GRIK5: variants seen among roughly 807,000 people sequenced by gnomAD.
GRIK5 encodes the protein glutamate ionotropic receptor kainate type subunit 5, also known as glutamate receptor ionotropic, kainate 5.
Under a neutral mutation model 97.4 loss-of-function variants are expected in GRIK5, and 43 were observed. That is an observed-to-expected ratio of 0.44 (90% CI 0.35 to 0.57). The LOEUF (loss-of-function observed/expected upper bound fraction) is 0.57, where lower values mean the gene tolerates loss of function less well. GRIK5 is among the 20% of genes least tolerant of loss of function. The probability of loss-of-function intolerance (pLI) is 0.01; values close to 1 mark genes in which losing one functional copy is unlikely to be tolerated. For synonymous variants in GRIK5, 580 were observed against 583.5 expected (o/e 0.99, Z 0.09); for missense variants, 1,015 against 1,382.0 (o/e 0.73, Z 4.21).
In GRIK5 at chr19:42,054,440, G is replaced by A. The variant is rs567555464; in HGVS notation, c.936C>T (p.His312=). The change falls in exon 9 of 20, where the codon CAC becomes CAT. Residue 312 remains histidine, a synonymous_variant. Coordinates refer to ENST00000593562, the MANE Select transcript of GRIK5 (RefSeq NM_002088.5). ...GCTCTCGGACAGCGCTCACCACCAC[G>A]TGCACGGCGTCAAACATCAGGGCGG... ...LSAALMFDAV[H]VVVSAVRELN... is the part of the protein sequence containing the mutation. 2.0e-5 allele frequency: 33 copies of A among 1,613,374 alleles called. No individual in the cohort carries two copies. Among genetic ancestry groups the A allele is most frequent in the Admixed American group, 1.0e-4 (6 of 60,018 alleles).
chr19:42,029,076 A>T (rs78619677), intron 12 of GRIK5, among the ~76,000 whole-genome samples: 8 of 150,642 alleles, frequency 5.3e-5, no homozygotes, highest in African/African-American at 7.3e-5. Flanking sequence ...ACAAAAAAAA[A>T]TTTTTTTTTT....
chr19:42,026,058 A>G (rs1437102428), intron 12 of GRIK5, among the ~76,000 whole-genome samples: 1 of 152,230 alleles, frequency 6.6e-6, no homozygotes, highest in East Asian at 1.9e-4. Flanking sequence ...TGGTGCAATC[A>G]TAAGTCACTG....
At chr19:42,049,620 G>T (rs1232721769) in intron 11 of GRIK5, among the ~76,000 whole-genome samples, 1 of 152,152 alleles carries the variant, frequency 6.6e-6, no homozygotes, top group East Asian at 1.9e-4. Flanking sequence ...GCCTTGGAGG[G>T]TTAGTGATTG....
At chr19:42,035,481 CAG>C (rs1228966433) in intron 12 of GRIK5, among the ~76,000 whole-genome samples, 1 of 151,838 alleles carries the variant, frequency 6.6e-6, no homozygotes, top group Non-Finnish European at 1.5e-5. Context: ...CCGAGGTGAG[CAG>C]ATCACCTGAG....
At chr19:42,020,667 C>T (rs544659401) in intron 15 of GRIK5, among the ~76,000 whole-genome samples, 3 of 152,300 alleles carry the variant, frequency 2.0e-5, no homozygotes, top group East Asian at 3.9e-4. Context: ...AAAACTAAGA[C>T]GGCCACAAGA....
At chr19:42,007,283 C>G (rs544017909) in intron 15 of GRIK5, among the ~76,000 whole-genome samples, 1 of 151,938 alleles carries the variant, frequency 6.6e-6, no homozygotes, top group Non-Finnish European at 1.5e-5. Flanking sequence ...TTAGCAGAGA[C>G]GGGGTTTCAC....
intron 15 of GRIK5, among the ~76,000 whole-genome samples, chr19:42,007,120 G>A (rs2075502142): frequency 6.8e-6 from 1 of 147,526 alleles, no homozygotes; most frequent in Non-Finnish European, 1.5e-5. Context: ...TTTTGAGACA[G>A]ATCTTGCTTT....
At chr19:42,037,410 G>C (rs1049704835) in intron 12 of GRIK5, among the ~76,000 whole-genome samples, 1 of 152,208 alleles carries the variant, frequency 6.6e-6, no homozygotes, top group African/African-American at 2.4e-5. Context: ...AGTGAGCCGA[G>C]ATCACGCCAC....
chr19:42,053,493 C>T lies in GRIK5; in HGVS notation c.1269+109G>A. On this transcript the variant is annotated intron_variant, in intron 11 of 19. Transcript: ENST00000593562. The stretch of plus-strand genomic sequence containing the variant: ...TTGCTGCGTGCAGGAATCCCAGCCC[C>T]CACTGGCCTATGCGCTGTGCCAGCC... 1.0e-5 allele frequency: 7 copies of T among 693,212 alleles called. No individual in the cohort carries two copies. In the South Asian group the frequency reaches 1.1e-4, roughly 11 times the overall value. The allele number at this position is 693,212 out of a possible 1,614,324, so 42.9% of individuals were successfully genotyped here.
chr19:42,059,401 G>T lies in GRIK5; in HGVS notation c.635C>A (p.Ser212Tyr). The T allele has an allele frequency of 6.2e-7, 1 of 1,613,854 alleles. No individual in the cohort carries two copies. Among genetic ancestry groups the T allele is most frequent in the Non-Finnish European group, 8.5e-7 (1 of 1,179,810 alleles). Residue 212 changes from serine to tyrosine, a missense_variant, in exon 6 of 20, where the codon TCC becomes TAC. Transcript: ENST00000593562. ...LLKEIRDDKV[S>Y]TIIIDANASI... is the part of the protein sequence containing the mutation. ...GGCGTTGGCGTCGATGATGATGGTGGACACCTTGTCATCACGGATCTCCTT... is the reference window on the plus strand; with the variant it reads ...GGCGTTGGCGTCGATGATGATGGTGTACACCTTGTCATCACGGATCTCCTT...
At chr19:42,045,069 C>T (rs1051717705) in intron 11 of GRIK5, among the ~76,000 whole-genome samples, 1 of 152,208 alleles carries the variant, frequency 6.6e-6, no homozygotes, top group Non-Finnish European at 1.5e-5. Context: ...ATTCCTTTTA[C>T]ACATGTGGAC....
intron 15 of GRIK5, among the ~76,000 whole-genome samples, chr19:42,020,753 A>T: frequency 6.6e-6 from 1 of 152,188 alleles, no homozygotes; most frequent in Non-Finnish European, 1.5e-5. Context: ...CAACGTCAGG[A>T]AGTTAACCTA....
In GRIK5 at chr19:42,003,703, G is replaced by C. The variant is rs782039440; in HGVS notation, c.2264-20C>G. ...GGGAGCCTGGGCAGGCACACGAGGGGCTGGACCAGCCATCGGGCCCTGCAG... is the reference window on the plus strand; with the variant it reads ...GGGAGCCTGGGCAGGCACACGAGGGCCTGGACCAGCCATCGGGCCCTGCAG... On this transcript the variant is annotated intron_variant, in intron 17 of 19. Coordinates refer to ENST00000593562, the MANE Select transcript of GRIK5 (RefSeq NM_002088.5). The surrounding 1 kb of genome is among the most constrained non-coding windows in gnomAD (Gnocchi z 4.2). 1.1e-5 allele frequency: 18 copies of C among 1,595,038 alleles called. No individual in the cohort carries two copies.
In GRIK5 at chr19:42,003,543, G is replaced by A. The variant is rs372552451; in HGVS notation, c.2392+12C>T. 57 of 1,608,626 alleles carry A rather than the reference G, an allele frequency of 3.5e-5. No homozygotes were observed. Among genetic ancestry groups the A allele is most frequent in the African/African-American group, 3.3e-4 (25 of 74,860 alleles). On this transcript the variant is annotated intron_variant, in intron 18 of 19. Transcript: ENST00000593562. The surrounding 1 kb of genome is among the most constrained non-coding windows in gnomAD (Gnocchi z 4.2). The stretch of plus-strand genomic sequence containing the variant: ...GGGCTATGGGAAGGGGACACCATAC[G>A]CGGGAACTGACCTTTAGCTCGATGG...
At chr19:42,016,102 A>C (rs1426381979) in intron 15 of GRIK5, among the ~76,000 whole-genome samples, 1 of 152,194 alleles carries the variant, frequency 6.6e-6, no homozygotes, top group Non-Finnish European at 1.5e-5. Context: ...CCCATCTTAC[A>C]GGTCAATGCT....
chr19:42,021,939 G>A lies in GRIK5; in HGVS notation c.1697+8C>T, dbSNP rs2075704192. The A allele has an allele frequency of 1.9e-6, 3 of 1,592,828 alleles. No individual in the cohort carries two copies. The highest frequency in any genetic ancestry group is 2.6e-6 in the Non-Finnish European group (3 of 1,162,532). On this transcript the variant is annotated splice_region_variant and intron_variant, in intron 14 of 19. Transcript: ENST00000593562. The surrounding 1 kb of genome is among the most constrained non-coding windows in gnomAD (Gnocchi z 4.2). Reference sequence around the variant, plus strand: ...AGCCCCTTCCTTCCCAGTAGGCAGTGGACTCACCTGGCAGCCAGAAACAGG... The same window carrying A: ...AGCCCCTTCCTTCCCAGTAGGCAGTAGACTCACCTGGCAGCCAGAAACAGG...
rs1555872355 is a variant in GRIK5 at position 42,005,745 on chromosome 19, G to T, written c.2241C>A (p.Gly747=). The T allele has an allele frequency of 2.5e-6, 4 of 1,613,334 alleles. No individual in the cohort carries two copies. Residue 747 remains glycine (G), a synonymous_variant, in exon 17 of 20, where the codon GGC becomes GGA. Transcript: ENST00000593562. ...TQIGGLLDTK[G]YGIGMPLGSP... Reference sequence around the variant, plus strand: ...TACCCAGCGGCATGCCAATGCCGTAGCCCTTGGTGTCGAGGAGTCCCCCGA... The same window carrying T: ...TACCCAGCGGCATGCCAATGCCGTATCCCTTGGTGTCGAGGAGTCCCCCGA...
At position 42,022,086 on chromosome 19, in the gene GRIK5, C is replaced by T. The variant is rs759121840; in HGVS notation, c.1588-30G>A. On this transcript the variant is annotated intron_variant, in intron 13 of 19. Coordinates refer to ENST00000593562, the MANE Select transcript of GRIK5 (RefSeq NM_002088.5). The surrounding 1 kb of genome is among the most constrained non-coding windows in gnomAD (Gnocchi z 4.2). ...GGGGAGAGGGAGTGAGACCCGGAGA[C>T]ACCCCTGGCCTGAGCCTCACACCCA... The T allele has an allele frequency of 3.3e-6, 5 of 1,529,844 alleles. No homozygotes were observed. The highest frequency in any genetic ancestry group is 1.4e-5 in the African/African-American group (1 of 73,068). 94.8% of individuals were successfully genotyped at this position (1,529,844 alleles called of 1,614,324 possible).
chr19:42,042,567 G>A lies in GRIK5; in HGVS notation c.1458C>T (p.Gly486=). Residue 486 remains glycine (G), a synonymous_variant, in exon 12 of 20, where the codon GGC becomes GGT. Coordinates refer to ENST00000593562, the MANE Select transcript of GRIK5 (RefSeq NM_002088.5). This position sits in a 1 kb window ranked among gnomAD's most constrained non-coding sequence, Gnocchi z 6.9. Reference sequence around the variant, plus strand: ...CCAGCCATACCCGGTTGATGAGCTCGCCAACCATGCCCGTCCAGGAGCCGT... The same window carrying A: ...CCAGCCATACCCGGTTGATGAGCTCACCAACCATGCCCGTCCAGGAGCCGT... ...EPNGSWTGMV[G]ELINRKADLA... 2.5e-6 allele frequency: 4 copies of A among 1,610,254 alleles called. No individual in the cohort carries two copies. The highest frequency in any genetic ancestry group is 3.4e-6 in the Non-Finnish European group (4 of 1,179,414).
Sources: gnomAD v4.1 joint callset for allele counts (sites outside exome capture counted in the v4.1 genomes callset) on GRCh38, gnomAD v4.1.1 for gene constraint, Gnocchi (gnomAD v3.1) non-coding constraint, MANE v1.5 for transcripts, NCBI Gene and HGNC (gene_info 2026-07-23, HGNC 2026-07-21) for gene names.